Variants in DMD observed in about 807,000 individuals in gnomAD.
DMD encodes mutant dystrophin.
A neutral mutation model predicts 330.1 loss-of-function variants in DMD; 63 were observed. The observed-to-expected ratio is 0.19, with a 90% confidence interval of 0.16 to 0.24. DMD has a LOEUF of 0.24. DMD is among the 10% of genes least tolerant of loss of function. The pLI, the probability that DMD is intolerant of heterozygous loss-of-function variation, is 1.00. For missense variants in DMD, 3,344 were observed against 2,684.1 expected (o/e 1.25, Z -5.43); for synonymous variants, 1,223 against 959.8 (o/e 1.27, Z -5.07).
intron 60 of DMD, among the ~76,000 whole-genome samples, chrX:31,378,918 T>C (rs965066713): frequency 1.8e-5 from 2 of 111,032 alleles, no homozygotes; most frequent in African/African-American, 6.6e-5. Flanking sequence ...TGACAGTAGT[T>C]CCAAATAGCC....
intron 9 of DMD, among the ~76,000 whole-genome samples, chrX:32,679,507 T>C (rs749149192): frequency 5.4e-5 from 6 of 111,290 alleles, no homozygotes; most frequent in Non-Finnish European, 9.4e-5. Flanking sequence ...AAATTTTATG[T>C]CCGAAAGTTC....
At chrX:32,667,305 T>C (rs1191434589) in intron 9 of DMD, among the ~76,000 whole-genome samples, 1 of 111,834 alleles carries the variant, frequency 8.9e-6, no homozygotes, top group African/African-American at 3.3e-5. Flanking sequence ...CAACTGTCTC[T>C]GTCCTCATGG....
intron 41 of DMD, among the ~76,000 whole-genome samples, chrX:32,331,318 T>G (rs5927969): frequency 0.53 from 58,135 of 110,200 alleles, 11,974 homozygotes; most frequent in South Asian, 0.77. Flanking sequence ...TTCAAGGTTG[T>G]AGCATTCAAA....
At chrX:33,019,423 C>T (rs1247604708) in intron 2 of DMD, among the ~76,000 whole-genome samples, 6 of 110,667 alleles carry the variant, frequency 5.4e-5, no homozygotes, top group African/African-American at 1.3e-4. Context: ...ATAAGAAAAC[C>T]GACTCACCAA....
intron 76 of DMD, among the ~76,000 whole-genome samples, chrX:31,145,044 A>C (rs183040551): frequency 8.9e-6 from 1 of 112,062 alleles, no homozygotes; most frequent in Non-Finnish European, 1.9e-5. Context: ...CATGTGGACC[A>C]TTTCCTCAAC....
At chrX:32,033,668 GA>G (rs377725613) in intron 44 of DMD, among the ~76,000 whole-genome samples, 1 of 92,522 alleles carries the variant, frequency 1.1e-5, no homozygotes, top group African/African-American at 4.5e-5. Context: ...AAGAAAGAAA[GA>G]AAGGAAGGAA....
intron 37 of DMD, among the ~76,000 whole-genome samples, chrX:32,356,094 C>G (rs1488899732): frequency 3.6e-5 from 4 of 110,128 alleles, no homozygotes; most frequent in Admixed American, 1.9e-4. Flanking sequence ...TAAAAATTTT[C>G]AATCCAATAC....
At chrX:33,056,006 T>C (rs2094512587) in intron 1 of DMD, among the ~76,000 whole-genome samples, 1 of 110,229 alleles carries the variant, frequency 9.1e-6, no homozygotes, top group African/African-American at 3.3e-5. Context: ...GAATTCATTA[T>C]CTAGTAGGTC....
chrX:32,983,528 T>A (rs1228108182), intron 2 of DMD, among the ~76,000 whole-genome samples: 1 of 73,578 alleles, frequency 1.4e-5, no homozygotes, highest in South Asian at 8.6e-4. Flanking sequence ...CAGAACTAAA[T>A]ACACACACAC....
chrX:32,112,619 G>A (rs889488467), intron 44 of DMD, among the ~76,000 whole-genome samples: 1 of 111,749 alleles, frequency 8.9e-6, no homozygotes, highest in African/African-American at 3.3e-5. Context: ...AATAACGGAG[G>A]GATGTGATCA....
intron 43 of DMD, among the ~76,000 whole-genome samples, chrX:32,269,753 T>G (rs1018744179): frequency 8.9e-6 from 1 of 112,165 alleles, no homozygotes; most frequent in Non-Finnish European, 1.9e-5. Context: ...ATAAATACTT[T>G]TAAAACTAGT....
In DMD at chrX:32,843,776, G is replaced by T. The variant is rs760261267; in HGVS notation, c.264+1007C>A. Reference sequence around the variant, plus strand: ...TTTAGGATGTTAATAAGAAAGGAAGGCTGCCTCCAATGCCATGACACAGGG... The same window carrying T: ...TTTAGGATGTTAATAAGAAAGGAAGTCTGCCTCCAATGCCATGACACAGGG... On this transcript the variant is annotated intron_variant, in intron 4 of 78. Coordinates refer to ENST00000357033, the MANE Select transcript of DMD (RefSeq NM_004006.3). Among the ~76,000 whole-genome samples the T allele has an allele frequency of 2.7e-5, 3 of 111,711 alleles. No individual in the cohort carries two copies. The South Asian group carries it at 1.1e-3, about 42-fold the overall frequency.
chrX:32,610,073 C>T (rs774973098), intron 12 of DMD, among the ~76,000 whole-genome samples: 12 of 111,321 alleles, frequency 1.1e-4, no homozygotes, highest in Non-Finnish European at 2.1e-4. Flanking sequence ...GCCACTCCTT[C>T]GAGGGAAATC....
At chrX:32,311,809 T>C (rs1603630466) in intron 41 of DMD, among the ~76,000 whole-genome samples, 1 of 112,021 alleles carries the variant, frequency 8.9e-6, no homozygotes. Context: ...AGCAGGCTAT[T>C]TGAATGTGAA....
intron 27 of DMD, among the ~76,000 whole-genome samples, chrX:32,446,709 G>A (rs1425633492): frequency 9.0e-6 from 1 of 110,596 alleles, no homozygotes; most frequent in Non-Finnish European, 1.9e-5. Context: ...AGGTGAAAAT[G>A]AAATATGAGG....
intron 2 of DMD, among the ~76,000 whole-genome samples, chrX:32,901,361 C>T (rs12557418): frequency 0.26 from 29,031 of 110,669 alleles, 3,528 homozygotes; most frequent in Admixed American, 0.5. Context: ...TTAAAAATTT[C>T]AACACTTTGA....
intron 7 of DMD, among the ~76,000 whole-genome samples, chrX:32,719,140 T>C (rs1460185114): frequency 8.9e-6 from 1 of 111,967 alleles, no homozygotes; most frequent in African/African-American, 3.2e-5. Context: ...GCATCCTCTA[T>C]CATGATTATC....
intron 9 of DMD, among the ~76,000 whole-genome samples, chrX:32,696,071 A>G (rs1262082876): frequency 8.9e-6 from 1 of 111,960 alleles, no homozygotes; most frequent in African/African-American, 3.2e-5. Context: ...CGTGTTTTCC[A>G]TAGGGGACAG....
intron 55 of DMD, among the ~76,000 whole-genome samples, chrX:31,627,028 G>A (rs1294758202): frequency 3.6e-5 from 4 of 111,744 alleles, no homozygotes; most frequent in Non-Finnish European, 7.5e-5. Context: ...TACAGAATAT[G>A]ATTCTCACCA....
Sources: allele counts gnomAD v4.1 joint callset (sites outside exome capture counted in the v4.1 genomes callset), GRCh38; gene constraint gnomAD v4.1.1; transcripts MANE v1.5; gene names NCBI Gene and HGNC (gene_info 2026-07-23, HGNC 2026-07-21).